MYO1D: variants seen among roughly 807,000 people sequenced by gnomAD.
MYO1D encodes the protein unconventional myosin-Id.
MYO1D carries 83 observed loss-of-function variants against 122.0 expected under a neutral mutation model. The ratio of observed to expected loss-of-function variants is 0.68; its 90% CI spans 0.57 to 0.82. MYO1D has a LOEUF of 0.82. Ranked by LOEUF, MYO1D falls within the 40% of genes least tolerant of loss-of-function variation. The probability of loss-of-function intolerance (pLI) is 0.00; values close to 1 mark genes in which losing one functional copy is unlikely to be tolerated. For synonymous variants in MYO1D, 464 were observed against 446.9 expected, an observed-to-expected ratio of 1.04 and a Z score of -0.48; for missense variants, 1,157 against 1,269.5, an observed-to-expected ratio of 0.91 and a Z score of 1.35.
chr17:32,745,550 C>T (rs2089826571), intron 12 of MYO1D: 2 of 316,888 alleles, frequency 6.3e-6, no homozygotes, highest in African/African-American at 4.4e-5. Context: ...TAAAAGATAG[C>T]TGTATTTATC....
Position 32,673,910 on chromosome 17 carries a change from T to A in MYO1D, c.2122-14572A>T, listed in dbSNP as rs1351178275. ...ACAAAATACTGGTGTTTGGATTATT[T>A]TCCCTTCCAGTTTTTCTTGATGTAT... is the stretch of plus-strand genomic sequence containing the variant. On this transcript the variant is annotated intron_variant, in intron 16 of 21. Coordinates refer to ENST00000318217, the MANE Select transcript of MYO1D (RefSeq NM_015194.3). Among the ~76,000 whole-genome samples, 5 of 152,260 alleles carry A rather than the reference T, an allele frequency of 3.3e-5. No individual in the cohort carries two copies. The East Asian group carries it at 9.6e-4, about 29-fold the overall frequency.
rs764437276 is a variant in MYO1D at position 32,794,934 on chromosome 17, C to A, written c.96-14150G>T. 2.0e-5 allele frequency among the ~76,000 whole-genome samples: 3 copies of A among 152,144 alleles called. No homozygotes were observed. The East Asian group carries it at 5.8e-4, about 29-fold the overall frequency. On this transcript the variant is annotated intron_variant, in intron 1 of 21. Transcript: ENST00000318217. Reference sequence around the variant, plus strand: ...CTACGCTGGTCTCAGGAAGGAATGACGGGTTCTCTGGTTGGGATGGAGCAG... The same window carrying A: ...CTACGCTGGTCTCAGGAAGGAATGAAGGGTTCTCTGGTTGGGATGGAGCAG...
chr17:32,630,725 G>A (rs11869169), intron 20 of MYO1D, among the ~76,000 whole-genome samples: 86,057 of 151,826 alleles, frequency 0.57, 25,169 homozygotes, highest in African/African-American at 0.7. Flanking sequence ...GGTGCCTGCC[G>A]CCACATCTGG....
At chr17:32,642,462 G>C (rs112350542) in intron 19 of MYO1D, among the ~76,000 whole-genome samples, 1 of 152,128 alleles carries the variant, frequency 6.6e-6, no homozygotes, top group South Asian at 2.1e-4. Context: ...TTCCAATTCT[G>C]TGAAGAAAGT....
At chr17:32,497,292 T>A (rs1293952144) in intron 21 of MYO1D, among the ~76,000 whole-genome samples, 1 of 151,626 alleles carries the variant, frequency 6.6e-6, no homozygotes, top group African/African-American at 2.4e-5. Flanking sequence ...CTACAAAAAA[T>A]AAAAAAACAA....
chr17:32,813,140 T>G (rs2090586243), intron 1 of MYO1D, among the ~76,000 whole-genome samples: 1 of 152,236 alleles, frequency 6.6e-6, no homozygotes, highest in African/African-American at 2.4e-5. Flanking sequence ...TCTTCTTTAT[T>G]ATATCCTCAA....
chr17:32,585,646 T>G (rs189820552), intron 21 of MYO1D, among the ~76,000 whole-genome samples: 123 of 151,940 alleles, frequency 8.1e-4, no homozygotes, highest in African/African-American at 2.8e-3. Flanking sequence ...AAGGGAATCT[T>G]TTGAACGTGG....
At chr17:32,844,422 C>CTATATATAATATGTA (rs2090916725) in intron 1 of MYO1D, among the ~76,000 whole-genome samples, 1 of 142,640 alleles carries the variant, frequency 7.0e-6, no homozygotes, top group African/African-American at 2.7e-5. Context: ...TGTATATATA[C>CTATATATAATATGTA]TATATATAAT....
intron 16 of MYO1D, among the ~76,000 whole-genome samples, chr17:32,683,854 C>T (rs1436768246): frequency 6.6e-6 from 1 of 151,870 alleles, no homozygotes; most frequent in African/African-American, 2.4e-5. Flanking sequence ...GCCTCGTTGC[C>T]GCCTTGCAGT....
chr17:32,839,932 T>G (rs2090863004), intron 1 of MYO1D, among the ~76,000 whole-genome samples: 1 of 152,226 alleles, frequency 6.6e-6, no homozygotes, highest in South Asian at 2.1e-4. Flanking sequence ...TAGTTCTCAT[T>G]CACTTTCCTT....
At position 32,721,086 on chromosome 17, in the gene MYO1D, T is replaced by C; in HGVS notation, c.1850A>G (p.Glu617Gly). ...TCCTGCCCGACGCACTCTCACATTT[T>C]CCAGTAGTCCAAGATATTCTACTTG... Reference protein sequence around the residue: ...RHQVEYLGLLENVRVRRAGFA... With the variant: ...RHQVEYLGLLGNVRVRRAGFA... Residue 617 changes from glutamate to glycine, a missense_variant, in exon 15 of 22, where the codon GAA (glutamate) becomes GGA (glycine). Transcript: ENST00000318217. The C allele has an allele frequency of 6.2e-7, 1 of 1,614,180 alleles. No homozygotes were observed. The highest frequency in any genetic ancestry group is 8.5e-7 in the Non-Finnish European group (1 of 1,180,022).
chr17:32,611,739 T>C (rs1485260567), intron 20 of MYO1D, among the ~76,000 whole-genome samples: 1 of 152,182 alleles, frequency 6.6e-6, no homozygotes, highest in African/African-American at 2.4e-5. Context: ...ATCAGGAGGC[T>C]GGGGCAGGAG....
At chr17:32,729,469 C>G (rs1017397784) in intron 14 of MYO1D, among the ~76,000 whole-genome samples, 5 of 152,122 alleles carry the variant, frequency 3.3e-5, no homozygotes, top group Non-Finnish European at 7.4e-5. Flanking sequence ...GGGACGTCTA[C>G]TTCTGGTAAT....
At chr17:32,673,143 T>C in intron 16 of MYO1D, among the ~76,000 whole-genome samples, 2 of 129,730 alleles carry the variant, frequency 1.5e-5, no homozygotes, top group Admixed American at 8.5e-5. Context: ...AGAGACTTGC[T>C]CTGTTGCCCA....
At chr17:32,843,675 G>T (rs2090906514) in intron 1 of MYO1D, among the ~76,000 whole-genome samples, 1 of 152,190 alleles carries the variant, frequency 6.6e-6, no homozygotes, top group East Asian at 1.9e-4. Flanking sequence ...AAAGGCAGTG[G>T]ATTTCATCAA....
chr17:32,820,638 A>G (rs914782119), intron 1 of MYO1D, among the ~76,000 whole-genome samples: 1 of 152,230 alleles, frequency 6.6e-6, no homozygotes, highest in African/African-American at 2.4e-5. Flanking sequence ...TTATGACCAT[A>G]TGAGGGCATA....
intron 19 of MYO1D, among the ~76,000 whole-genome samples, chr17:32,642,414 G>A (rs1423087569): frequency 5.3e-5 from 8 of 152,164 alleles, no homozygotes; most frequent in Admixed American, 5.2e-4. Context: ...GGCAATGCAG[G>A]CTCTTTTTTG....
intron 20 of MYO1D, among the ~76,000 whole-genome samples, chr17:32,610,393 C>T (rs1483458123): frequency 6.6e-6 from 1 of 152,184 alleles, no homozygotes; most frequent in African/African-American, 2.4e-5. Flanking sequence ...TGCTCTGCTA[C>T]ACAAATAATG....
At chr17:32,725,722 T>C (rs1028356662) in intron 14 of MYO1D, among the ~76,000 whole-genome samples, 17 of 151,532 alleles carry the variant, frequency 1.1e-4, no homozygotes, top group Non-Finnish European at 2.2e-4. Flanking sequence ...TGAAAAGAAC[T>C]TGCTAAAACT....
Sources: allele counts gnomAD v4.1 joint callset (sites outside exome capture counted in the v4.1 genomes callset), GRCh38; gene constraint gnomAD v4.1.1; transcripts MANE v1.5; gene names NCBI Gene and HGNC (gene_info 2026-07-23, HGNC 2026-07-21).